CTNNBL1: variants seen among roughly 807,000 people sequenced by gnomAD.
CTNNBL1 encodes the protein catenin beta like 1.
CTNNBL1 carries 31 observed loss-of-function variants against 72.7 expected under a neutral mutation model. The ratio of observed to expected loss-of-function variants is 0.43; its 90% CI spans 0.32 to 0.58. The LOEUF is 0.58. CTNNBL1 is among the 20% of genes least tolerant of loss of function. The pLI, the probability that CTNNBL1 is intolerant of heterozygous loss-of-function variation, is 0.08. For synonymous variants in CTNNBL1, 240 were observed against 267.3 expected (o/e 0.90, Z 1.00); for missense variants, 534 against 725.1 (o/e 0.74, Z 3.03).
At chr20:37,866,731 A>G (rs2072539970) in intron 15 of CTNNBL1, among the ~76,000 whole-genome samples, 2 of 152,176 alleles carry the variant, frequency 1.3e-5, no homozygotes, top group African/African-American at 2.4e-5. Context: ...ACAAAGAAAA[A>G]AACACCTAAA....
At chr20:37,739,503 G>A (rs1287984178) in intron 3 of CTNNBL1, among the ~76,000 whole-genome samples, 2 of 152,050 alleles carry the variant, frequency 1.3e-5, no homozygotes. Flanking sequence ...TTGTACATGT[G>A]TCTTTGTGTG....
chr20:37,714,018 A>G (rs1282011559), intron 1 of CTNNBL1, among the ~76,000 whole-genome samples: 2 of 152,100 alleles, frequency 1.3e-5, no homozygotes, highest in Non-Finnish European at 2.9e-5. Flanking sequence ...ATACCCAGTA[A>G]GTAGATGGTG....
chr20:37,774,560 G>T (rs1437647705), intron 7 of CTNNBL1, among the ~76,000 whole-genome samples: 4 of 152,148 alleles, frequency 2.6e-5, no homozygotes, highest in African/African-American at 7.2e-5. Flanking sequence ...TTATCAGTCT[G>T]GTTTTTAAAA....
In CTNNBL1 at chr20:37,757,532, G is replaced by A. The variant is rs372103123; in HGVS notation, c.467-27G>A. The A allele has an allele frequency of 1.8e-5, 27 of 1,518,118 alleles. No individual in the cohort carries two copies. In the East Asian group the frequency reaches 5.4e-4, roughly 30 times the overall value. 94.0% of individuals were successfully genotyped at this position (1,518,118 alleles called of 1,614,324 possible). On this transcript the variant is annotated intron_variant, in intron 4 of 15. Transcript: ENST00000361383. ...AAAAATACTGGTACCGTTTCAGTAT[G>A]TGTGTTATACCCTTAACATTTTTCA...
At chr20:37,857,251 G>C (rs2072450958) in intron 13 of CTNNBL1, among the ~76,000 whole-genome samples, 1 of 152,190 alleles carries the variant, frequency 6.6e-6, no homozygotes, top group Non-Finnish European at 1.5e-5. Flanking sequence ...ACTACCTCGT[G>C]AACATTAATG....
At chr20:37,785,784 G>A (rs571352205) in intron 10 of CTNNBL1, among the ~76,000 whole-genome samples, 43 of 152,236 alleles carry the variant, frequency 2.8e-4, no homozygotes, top group African/African-American at 1.0e-3. Flanking sequence ...TTTCTTGGAC[G>A]GTCTTGATGC....
intron 13 of CTNNBL1, among the ~76,000 whole-genome samples, chr20:37,857,491 A>C (rs542052738): frequency 2.5e-4 from 38 of 152,228 alleles, no homozygotes; most frequent in Non-Finnish European, 5.3e-4. Context: ...CCTCATATCC[A>C]GTCCTCCCAA....
intron 10 of CTNNBL1, among the ~76,000 whole-genome samples, chr20:37,788,431 GA>G (rs60824289): frequency 0.01 from 1,552 of 152,354 alleles, 20 homozygotes; most frequent in African/African-American, 0.036. Flanking sequence ...CCCAAAGGAA[GA>G]GGAGTTAAAA....
intron 11 of CTNNBL1, among the ~76,000 whole-genome samples, chr20:37,823,331 G>A (rs1461368428): frequency 6.6e-6 from 1 of 152,212 alleles, no homozygotes; most frequent in African/African-American, 2.4e-5. Context: ...CGCCTGACTG[G>A]CTGAAGGAAG....
At chr20:37,772,043 T>C (rs1481353450) in intron 7 of CTNNBL1, among the ~76,000 whole-genome samples, 1 of 152,228 alleles carries the variant, frequency 6.6e-6, no homozygotes, top group Non-Finnish European at 1.5e-5. Context: ...CCCGTAACTG[T>C]GTGATGCTCG....
chr20:37,842,412 A>C lies in CTNNBL1; in HGVS notation c.1385A>C (p.Glu462Ala). The C allele has an allele frequency of 5.0e-6, 8 of 1,611,614 alleles. No individual in the cohort carries two copies. Among genetic ancestry groups the C allele is most frequent in the Non-Finnish European group, 6.8e-6 (8 of 1,177,684 alleles). The part of the protein sequence containing the change: ...MQVADKKIEG[E>A]KHDMVRRGEI... ...GTGGCGGACAAGAAGATTGAAGGGG[A>C]AAAACACGTATGTATCCCTGCCTCA... The change falls in exon 13 of 16, where the codon GAA (glutamate) becomes GCA (alanine). Residue 462 changes from glutamate to alanine, a missense_variant. Glu to Ala is a moderately radical substitution (Grantham distance 107, BLOSUM62 -1). Coordinates refer to ENST00000361383, the MANE Select transcript of CTNNBL1 (RefSeq NM_030877.5).
intron 10 of CTNNBL1, among the ~76,000 whole-genome samples, chr20:37,797,841 T>C (rs1221547254): frequency 1.3e-5 from 2 of 152,224 alleles, no homozygotes; most frequent in Non-Finnish European, 2.9e-5. Flanking sequence ...AGTACCATGC[T>C]CCACTTCCCT....
chr20:37,750,122 G>A (rs530633734), intron 4 of CTNNBL1: 1 of 152,352 alleles, frequency 6.6e-6, no homozygotes, highest in South Asian at 2.1e-4. Flanking sequence ...AAGAGGCAGA[G>A]GATGTGAGAA....
intron 11 of CTNNBL1, among the ~76,000 whole-genome samples, chr20:37,805,214 C>A (rs1310917036): frequency 6.6e-6 from 1 of 152,202 alleles, no homozygotes; most frequent in Non-Finnish European, 1.5e-5. Context: ...CGTAAGTGGG[C>A]CAGATTTGTG....
At chr20:37,774,501 A>G (rs1314840023) in intron 7 of CTNNBL1, among the ~76,000 whole-genome samples, 1 of 152,166 alleles carries the variant, frequency 6.6e-6, no homozygotes, top group African/African-American at 2.4e-5. Flanking sequence ...TTCTTCCTTC[A>G]TGCCAATTTC....
intron 1 of CTNNBL1, among the ~76,000 whole-genome samples, chr20:37,695,756 G>A (rs776248535): frequency 6.6e-6 from 1 of 152,100 alleles, no homozygotes; most frequent in African/African-American, 2.4e-5. Context: ...TGTAAATGGG[G>A]GACAGTGACG....
intron 10 of CTNNBL1, among the ~76,000 whole-genome samples, chr20:37,785,453 T>G (rs1476488271): frequency 6.6e-6 from 1 of 152,202 alleles, no homozygotes; most frequent in Non-Finnish European, 1.5e-5. Context: ...CGTTCTTTCT[T>G]ATTCTTTTTT....
At chr20:37,698,344 T>G (rs577919033) in intron 1 of CTNNBL1, among the ~76,000 whole-genome samples, 1 of 152,286 alleles carries the variant, frequency 6.6e-6, no homozygotes, top group African/African-American at 2.4e-5. Context: ...GGTTCCCCAC[T>G]TTGGTTAATT....
chr20:37,723,425 A>C (rs1208810562), intron 1 of CTNNBL1, among the ~76,000 whole-genome samples: 1 of 152,130 alleles, frequency 6.6e-6, no homozygotes, highest in African/African-American at 2.4e-5. Context: ...GTTGCCTGTA[A>C]TTTGTTTTTA....
Sources: allele counts gnomAD v4.1 joint callset (sites outside exome capture counted in the v4.1 genomes callset), GRCh38; gene constraint gnomAD v4.1.1; transcripts MANE v1.5; gene names NCBI Gene and HGNC (gene_info 2026-07-23, HGNC 2026-07-21).